SYN3: variants seen among roughly 807,000 people sequenced by gnomAD.
SYN3 encodes synapsin III, also known as synapsin-3.
SYN3 carries 35 observed loss-of-function variants against 65.8 expected under a neutral mutation model. The observed-to-expected ratio is 0.53, with a 90% confidence interval of 0.41 to 0.70. SYN3 has a LOEUF of 0.70. Ranked by LOEUF, SYN3 falls within the 30% of genes least tolerant of loss-of-function variation. SYN3 has a pLI of 0.00. For missense variants in SYN3, 680 were observed against 749.0 expected, an observed-to-expected ratio of 0.91 and a Z score of 1.08; for synonymous variants, 270 against 292.9, an observed-to-expected ratio of 0.92 and a Z score of 0.80.
intron 6 of SYN3, among the ~76,000 whole-genome samples, chr22:32,848,489 G>C (rs2048131317): frequency 6.6e-6 from 1 of 152,204 alleles, no homozygotes; most frequent in South Asian, 2.1e-4. Flanking sequence ...GTTAAGAGCA[G>C]TAAATAAGTG....
chr22:32,730,965 A>G (rs889188690), intron 6 of SYN3, among the ~76,000 whole-genome samples: 1 of 152,004 alleles, frequency 6.6e-6, no homozygotes, highest in African/African-American at 2.4e-5. Flanking sequence ...ATGGCCTTTC[A>G]TGACCCCCTG....
intron 7 of SYN3, among the ~76,000 whole-genome samples, chr22:32,553,063 C>T (rs999784082): frequency 2.0e-5 from 3 of 152,170 alleles, no homozygotes; most frequent in Non-Finnish European, 2.9e-5. Context: ...AGTGAGCAAG[C>T]TCTCTGGTAT....
intron 3 of SYN3, among the ~76,000 whole-genome samples, chr22:32,946,120 G>C (rs1485812194): frequency 6.6e-6 from 1 of 152,222 alleles, no homozygotes; most frequent in Non-Finnish European, 1.5e-5. Flanking sequence ...CAACCATTGT[G>C]GAAGACAGTG....
chr22:32,663,357 GGC>G (rs1392995812), intron 6 of SYN3, among the ~76,000 whole-genome samples: 1 of 148,224 alleles, frequency 6.7e-6, no homozygotes, highest in Non-Finnish European at 1.5e-5. Context: ...GGAGTGCAGT[GGC>G]GCCATCTTGG....
intron 6 of SYN3, among the ~76,000 whole-genome samples, chr22:32,736,549 C>T (rs139701928): frequency 0.022 from 3,339 of 152,142 alleles, 47 homozygotes; most frequent in Admixed American, 0.036. Flanking sequence ...TCTGGGTCCC[C>T]ACAATGATCT....
chr22:32,604,816 T>C (rs2059345607), intron 6 of SYN3, among the ~76,000 whole-genome samples: 1 of 151,916 alleles, frequency 6.6e-6, no homozygotes, highest in Non-Finnish European at 1.5e-5. Context: ...CCATCCTGGC[T>C]AACACGGTGA....
chr22:32,528,860 C>G lies in SYN3; in HGVS notation c.1230+14G>C. 1 of 1,614,038 alleles carries G rather than the reference C, an allele frequency of 6.2e-7. No homozygotes were observed. Among genetic ancestry groups the G allele is most frequent in the Non-Finnish European group, 8.5e-7 (1 of 1,179,986 alleles). ...TCATGGCTATAAAGTCTCCTTTGAT[C>G]GTGAGGGTCTTACCCAAGGTCTGAG... On this transcript the variant is annotated intron_variant, in intron 11 of 13. Coordinates refer to ENST00000358763, the MANE Select transcript of SYN3 (RefSeq NM_003490.4).
intron 7 of SYN3, among the ~76,000 whole-genome samples, chr22:32,577,088 A>T (rs889132224): frequency 1.3e-5 from 2 of 152,158 alleles, no homozygotes; most frequent in African/African-American, 4.8e-5. Context: ...TACTCCAGTC[A>T]ATCACATTAG....
intron 3 of SYN3, among the ~76,000 whole-genome samples, chr22:32,932,574 C>T (rs1173779728): frequency 2.3e-4 from 35 of 152,064 alleles, no homozygotes; most frequent in Admixed American, 2.3e-3. Flanking sequence ...GGGGCAGGGG[C>T]AAGAGATGGG....
In SYN3 at chr22:32,527,862, T is replaced by G. The variant is rs1352894738; in HGVS notation, c.1318+56A>C. ...TGGGAATCACATGTGGATCCCTCGG[T>G]GCATTTCAGCACCCTCACTGCATGC... On this transcript the variant is annotated intron_variant, in intron 12 of 13. Coordinates refer to ENST00000358763, the MANE Select transcript of SYN3 (RefSeq NM_003490.4). The G allele has an allele frequency of 2.8e-6, 4 of 1,452,844 alleles. No individual in the cohort carries two copies. The East Asian group carries it at 7.4e-5, about 27-fold the overall frequency. 90.0% of individuals were successfully genotyped at this position (1,452,844 alleles called of 1,614,324 possible).
At chr22:32,753,381 G>A (rs1385669717) in intron 6 of SYN3, among the ~76,000 whole-genome samples, 1 of 152,054 alleles carries the variant, frequency 6.6e-6, no homozygotes, top group African/African-American at 2.4e-5. Context: ...TCTCTAGAGG[G>A]GCTGCAGCTG....
At chr22:32,684,909 A>G (rs915114895) in intron 6 of SYN3, among the ~76,000 whole-genome samples, 6 of 152,292 alleles carry the variant, frequency 3.9e-5, no homozygotes, top group Admixed American at 1.3e-4. Context: ...TGCCCTATCT[A>G]ATTCTCAAGA....
At chr22:32,990,044 C>T (rs2052650006) in intron 2 of SYN3, among the ~76,000 whole-genome samples, 1 of 152,052 alleles carries the variant, frequency 6.6e-6, no homozygotes, top group Admixed American at 6.5e-5. Context: ...GGGAAATCCC[C>T]ACAGGAAAGG....
At chr22:32,733,640 A>G (rs1403948796) in intron 6 of SYN3, among the ~76,000 whole-genome samples, 1 of 152,162 alleles carries the variant, frequency 6.6e-6, no homozygotes, top group Non-Finnish European at 1.5e-5. Flanking sequence ...TCTGTGTTCC[A>G]GTGTCTGGCA....
At chr22:32,881,821 C>T (rs551974170) in intron 4 of SYN3, among the ~76,000 whole-genome samples, 3 of 152,062 alleles carry the variant, frequency 2.0e-5, no homozygotes, top group Admixed American at 6.5e-5. Flanking sequence ...TTTGGGAGGC[C>T]GAGTAGGGCA....
chr22:32,858,768 C>A (rs907688934), intron 6 of SYN3, among the ~76,000 whole-genome samples: 38 of 152,124 alleles, frequency 2.5e-4, no homozygotes, highest in African/African-American at 8.7e-4. Flanking sequence ...TCCCACAGTT[C>A]ACTGAATCTG....
chr22:32,671,790 C>T (rs1355378182), intron 6 of SYN3, among the ~76,000 whole-genome samples: 1 of 151,332 alleles, frequency 6.6e-6, no homozygotes, highest in Non-Finnish European at 1.5e-5. Context: ...CACACATGCT[C>T]TCACACAGGT....
chr22:32,532,462 G>T (rs909568705), intron 10 of SYN3, among the ~76,000 whole-genome samples: 1 of 152,306 alleles, frequency 6.6e-6, no homozygotes, highest in Non-Finnish European at 1.5e-5. Flanking sequence ...AGGTGTGGTG[G>T]CGGCCAGAGG....
At chr22:32,854,210 A>T (rs1270465016) in intron 6 of SYN3, among the ~76,000 whole-genome samples, 1 of 152,180 alleles carries the variant, frequency 6.6e-6, no homozygotes, top group Admixed American at 6.5e-5. Context: ...TCTTTTCAGA[A>T]TTGACCCTAA....
Sources: gnomAD v4.1 joint callset for allele counts (sites outside exome capture counted in the v4.1 genomes callset) on GRCh38, gnomAD v4.1.1 for gene constraint, MANE v1.5 for transcripts, NCBI Gene and HGNC (gene_info 2026-07-23, HGNC 2026-07-21) for gene names.